The following SLC5A10 variants were observed in gnomAD, a reference collection of about 807,000 sequenced individuals.
The protein encoded by SLC5A10 is solute carrier family 5 member 10.
In SLC5A10, 55 loss-of-function variants were observed where a neutral mutation model predicts 68.9. The observed-to-expected ratio is 0.80, with a 90% CI of 0.64 to 1.00. The LOEUF is 1.00. Ranked by LOEUF, SLC5A10 falls within the 50% of genes least tolerant of loss-of-function variation. SLC5A10 has a pLI of 0.00. For missense variants in SLC5A10, 732 were observed against 819.3 expected (o/e 0.89, Z 1.30); for synonymous variants, 344 against 344.8 (o/e 1.00, Z 0.02).
At chr17:19,020,134 A>G (rs1441170305) in intron 13 of SLC5A10, 21 bp from the exon 14 acceptor site, 5 of 1,411,850 alleles carry the variant, frequency 3.5e-6, no homozygotes, top group African/African-American at 1.8e-5. Context: ...CCCCAACCCT[A>G]TCCTCACTCA....
chr17:18,969,084 C>T lies in SLC5A10; in HGVS notation c.486C>T (p.His162=). The T allele has an allele frequency of 4.3e-6, 7 of 1,614,106 alleles. No individual in the cohort carries two copies. Among genetic ancestry groups the T allele is most frequent in the African/African-American group, 1.3e-5 (1 of 75,056 alleles). Residue 162 remains histidine (H), a synonymous_variant, in exon 6 of 15, where the codon CAC becomes CAT. Coordinates refer to ENST00000395645, the MANE Select transcript of SLC5A10 (RefSeq NM_001042450.4). ...LDLYAGALFV[H]ICLGWNFYLS... ...TGTACGCGGGGGCTCTGTTTGTGCA[C>T]ATCTGCCTGGGCTGGAACTTCTACC... is the stretch of plus-strand genomic sequence containing the variant.
chr17:19,010,823 C>T (rs1345495201), intron 9 of SLC5A10, among the ~76,000 whole-genome samples: 1 of 152,184 alleles, frequency 6.6e-6, no homozygotes, highest in Admixed American at 6.5e-5. Flanking sequence ...CCGGCTCTGT[C>T]TTGGATCCGA....
intron 3 of SLC5A10, 54 bp from the exon 4 acceptor site, chr17:18,959,550 G>T: frequency 6.3e-7 from 1 of 1,577,522 alleles, no homozygotes; most frequent in Non-Finnish European, 8.7e-7. Context: ...TTTGTCTCTG[G>T]AGCAGAGCTG....
chr17:19,021,968 C>G lies in SLC5A10; in HGVS notation c.*1537C>G. On this transcript the variant is annotated 3_prime_UTR_variant, in exon 15 of 15. Transcript: ENST00000395645. The surrounding 1 kb of genome is among the most constrained non-coding windows in gnomAD (Gnocchi z 4.1). ...TCGGCCGCCGGGCTGCTCACAGGTGCACGGGCTGCACGTAACTCCGTGGGA... is the reference window on the plus strand; with the variant it reads ...TCGGCCGCCGGGCTGCTCACAGGTGGACGGGCTGCACGTAACTCCGTGGGA... 6.4e-7 allele frequency: 1 copy of G among 1,556,154 alleles called. No individual in the cohort carries two copies. Among genetic ancestry groups the G allele is most frequent in the Non-Finnish European group, 8.7e-7 (1 of 1,152,836 alleles).
At chr17:18,999,694 C>G (rs141061975) in intron 9 of SLC5A10, among the ~76,000 whole-genome samples, 1 of 152,190 alleles carries the variant, frequency 6.6e-6, no homozygotes, top group African/African-American at 2.4e-5. Context: ...TGTGTGAAGG[C>G]GGGGGCCTGA....
chr17:18,988,986 G>A (rs773520847), intron 9 of SLC5A10, among the ~76,000 whole-genome samples: 10 of 152,222 alleles, frequency 6.6e-5, no homozygotes, highest in Non-Finnish European at 1.2e-4. Flanking sequence ...CATGCAGAAG[G>A]ACAGGATGAG....
At chr17:18,957,820 G>A (rs145375476) in intron 1 of SLC5A10, among the ~76,000 whole-genome samples, 5 of 152,276 alleles carry the variant, frequency 3.3e-5, no homozygotes, top group Admixed American at 6.5e-5. Context: ...GCAATGCTGC[G>A]CAACCATTAC....
At chr17:18,979,861 C>T (rs1367493749) in intron 9 of SLC5A10, among the ~76,000 whole-genome samples, 5 of 152,142 alleles carry the variant, frequency 3.3e-5, no homozygotes, top group African/African-American at 9.7e-5. Flanking sequence ...AAGGAGGGAG[C>T]TGCTGAGCCG....
intron 5 of SLC5A10, among the ~76,000 whole-genome samples, chr17:18,961,812 C>T (rs1032120295): frequency 7.2e-5 from 11 of 152,130 alleles, no homozygotes; most frequent in African/African-American, 2.2e-4. Flanking sequence ...GGCATCCCCT[C>T]GGCAGCCTCA....
intron 9 of SLC5A10, chr17:18,988,491 C>T: frequency 1.3e-6 from 2 of 1,574,328 alleles, no homozygotes; most frequent in Admixed American, 1.7e-5. Flanking sequence ...GAGCGCACAG[C>T]CCTCCCATGC....
At chr17:18,987,677 C>T (rs1387087289) in intron 9 of SLC5A10, among the ~76,000 whole-genome samples, 1 of 152,232 alleles carries the variant, frequency 6.6e-6, no homozygotes, top group African/African-American at 2.4e-5. Flanking sequence ...TTTCCCCCAC[C>T]CCAAAGGTTC....
Position 19,003,925 on chromosome 17 carries a change from C to A in SLC5A10, c.983-9485C>A, listed in dbSNP as rs754790448. 3 of 1,612,958 alleles carry A rather than the reference C, an allele frequency of 1.9e-6. No individual in the cohort carries two copies. In the South Asian group the frequency reaches 3.3e-5, roughly 18 times the overall value. On this transcript the variant is annotated intron_variant, in intron 9 of 14. Coordinates refer to ENST00000395645, the MANE Select transcript of SLC5A10 (RefSeq NM_001042450.4). This position sits in a 1 kb window ranked among gnomAD's most constrained non-coding sequence, Gnocchi z 4.5. ...CGTAGAAGGCGTCCCGGCCGCGGGC[C>A]ACCAGGGCCTCCAGCGCCAGCCGCT...
At chr17:18,991,418 G>A (rs116649372) in intron 9 of SLC5A10, among the ~76,000 whole-genome samples, 1 of 152,314 alleles carries the variant, frequency 6.6e-6, no homozygotes, top group African/African-American at 2.4e-5. Context: ...GTCAGAGCTG[G>A]CCCAAGTCAA....
At chr17:18,958,806 C>T in intron 2 of SLC5A10, 53 bp downstream of exon 2, 1 of 1,586,844 alleles carries the variant, frequency 6.3e-7, no homozygotes, top group Non-Finnish European at 8.7e-7. Context: ...GGGGCTGTGT[C>T]TGATCTCTAG....
intron 8 of SLC5A10, among the ~76,000 whole-genome samples, chr17:18,974,345 G>T (rs2042929708): frequency 6.6e-6 from 1 of 152,242 alleles, no homozygotes; most frequent in Non-Finnish European, 1.5e-5. Flanking sequence ...ATGACAAGTA[G>T]GTGGCATTTT....
At position 19,015,068 on chromosome 17, in the gene SLC5A10, C is replaced by T. The variant is rs200440113; in HGVS notation, c.1110C>T (p.Ile370=). The change falls in exon 11 of 15, where the codon ATC becomes ATT. Residue 370 remains isoleucine (I), a synonymous_variant. Coordinates refer to ENST00000395645, the MANE Select transcript of SLC5A10 (RefSeq NM_001042450.4). ...CCCCAGGTCTGCGGGGGCTGATGATCGCAGTGATGCTGGCGGCGCTCATGT... is the reference window on the plus strand; with the variant it reads ...CCCCAGGTCTGCGGGGGCTGATGATTGCAGTGATGCTGGCGGCGCTCATGT... ...LMPIGLRGLM[I]AVMLAALMSS... 53 of 1,613,856 alleles carry T rather than the reference C, an allele frequency of 3.3e-5. No individual in the cohort carries two copies. The highest frequency in any genetic ancestry group is 3.1e-4 in the African/African-American group (23 of 75,036).
chr17:18,956,152 C>A (rs996122583), intron 1 of SLC5A10, among the ~76,000 whole-genome samples: 8 of 152,056 alleles, frequency 5.3e-5, no homozygotes, highest in African/African-American at 1.2e-4. Context: ...CAAGATCGTG[C>A]CATTGCACTC....
At chr17:19,013,282 C>A in intron 9 of SLC5A10, 128 bp from the exon 10 acceptor site, 1 of 1,470,996 alleles carries the variant, frequency 6.8e-7, no homozygotes, top group South Asian at 1.3e-5. Flanking sequence ...GGCCCAAGGC[C>A]AAATGGTAAC....
chr17:19,019,473 T>A lies in SLC5A10; in HGVS notation c.1292T>A (p.Leu431Gln), dbSNP rs769413958. The change falls in exon 12 of 15, where the codon CTG becomes CAG. Residue 431 changes from leucine (L) to glutamine (Q), a missense_variant. Coordinates refer to ENST00000395645, the MANE Select transcript of SLC5A10 (RefSeq NM_001042450.4). Reference sequence around the variant, plus strand: ...GTGAGTGTGGCCTGGATCCCCGTCCTGCAGGACTCCAACAGCGGGCAACTC... The same window carrying A: ...GTGAGTGTGGCCTGGATCCCCGTCCAGCAGGACTCCAACAGCGGGCAACTC... ...IGVSVAWIPV[L>Q]QDSNSGQLFI... 1 of 1,612,208 alleles carries A rather than the reference T, an allele frequency of 6.2e-7. No individual in the cohort carries two copies. The highest frequency in any genetic ancestry group is 1.1e-5 in the South Asian group (1 of 91,064).
Sources: allele counts gnomAD v4.1 joint callset (sites outside exome capture counted in the v4.1 genomes callset), GRCh38; gene constraint gnomAD v4.1.1; non-coding constraint Gnocchi (gnomAD v3.1); transcripts MANE v1.5; gene names NCBI Gene and HGNC (gene_info 2026-07-23, HGNC 2026-07-21).